RABGAP1L: variants seen among roughly 807,000 people sequenced by gnomAD.
RABGAP1L encodes RAB GTPase activating protein 1 like, also known as rab GTPase-activating protein 1-like.
A neutral mutation model predicts 137.7 loss-of-function variants in RABGAP1L; 63 were observed. The observed-to-expected ratio is 0.46, with a 90% CI of 0.37 to 0.56. The LOEUF is 0.56. Ranked by LOEUF, RABGAP1L falls within the 20% of genes least tolerant of loss-of-function variation. RABGAP1L has a pLI of 0.00. For missense variants in RABGAP1L, 1,095 were observed against 1,244.0 expected, an observed-to-expected ratio of 0.88 and a Z score of 1.80; for synonymous variants, 431 against 433.7, an observed-to-expected ratio of 0.99 and a Z score of 0.08.
At chr1:174,363,461 G>T (rs182943179) in intron 11 of RABGAP1L, among the ~76,000 whole-genome samples, 1 of 152,214 alleles carries the variant, frequency 6.6e-6, no homozygotes, top group East Asian at 1.9e-4. Flanking sequence ...ATTTCTTTGA[G>T]CAGTGGTTTG....
In RABGAP1L at chr1:174,483,343, A is replaced by T. The variant is rs540956155; in HGVS notation, c.1710+89198A>T. Reference sequence around the variant, plus strand: ...TTCTACTCTCTATCTCCCTGAGTCAATTGTTTTAATTTTTAGCTCCCACAG... The same window carrying T: ...TTCTACTCTCTATCTCCCTGAGTCATTTGTTTTAATTTTTAGCTCCCACAG... On this transcript the variant is annotated intron_variant, in intron 13 of 25. Transcript: ENST00000681986. Among the ~76,000 whole-genome samples the T allele has an allele frequency of 1.3e-5, 2 of 151,996 alleles. 1 individual carries two copies. The highest frequency in any genetic ancestry group is 4.8e-5 in the African/African-American group (2 of 41,372).
intron 11 of RABGAP1L, among the ~76,000 whole-genome samples, chr1:174,325,550 A>G (rs1462786412): frequency 6.6e-6 from 1 of 152,214 alleles, no homozygotes; most frequent in East Asian, 1.9e-4. Context: ...TCTGTGACTA[A>G]GATGCCTCTT....
intron 13 of RABGAP1L, among the ~76,000 whole-genome samples, chr1:174,435,803 C>T (rs1206716583): frequency 3.6e-5 from 5 of 137,116 alleles, no homozygotes; most frequent in Non-Finnish European, 7.6e-5. Context: ...TATCCCTCCC[C>T]TCTCCCCCGA....
chr1:174,590,112 C>G (rs537681602), intron 13 of RABGAP1L, among the ~76,000 whole-genome samples: 2 of 130,358 alleles, frequency 1.5e-5, no homozygotes, highest in South Asian at 2.5e-4. Context: ...TTTTTGTGAC[C>G]TCTTCAGTTT....
intron 13 of RABGAP1L, among the ~76,000 whole-genome samples, chr1:174,562,653 A>G (rs1667299272): frequency 6.6e-6 from 1 of 152,196 alleles, no homozygotes; most frequent in South Asian, 2.1e-4. Flanking sequence ...GCACGTATAC[A>G]CCACGGAATA....
chr1:174,662,291 A>T (rs1012556799), intron 14 of RABGAP1L, among the ~76,000 whole-genome samples: 1 of 151,902 alleles, frequency 6.6e-6, no homozygotes, highest in African/African-American at 2.4e-5. Context: ...TGTAGTAGAG[A>T]CGGGGTTTCA....
intron 4 of RABGAP1L, among the ~76,000 whole-genome samples, chr1:174,240,200 C>T (rs923828694): frequency 2.0e-5 from 3 of 151,302 alleles, no homozygotes; most frequent in South Asian, 2.1e-4. Context: ...ATGTGTAGAT[C>T]AGTCCAGGAC....
rs73026424 is a variant in RABGAP1L, at chr1:174,644,620, T to C, written c.1824+7132T>C. On this transcript the variant is annotated intron_variant, in intron 14 of 25. Transcript: ENST00000681986. ...GCTCTTTATGGTGCCTCCTGAATTA[T>C]GATTTTTTTTCATATTTGAGATCTA... Among the ~76,000 whole-genome samples, 799 of 152,190 alleles carry C rather than the reference T, an allele frequency of 5.3e-3. 10 individuals are homozygous for C. The highest frequency in any genetic ancestry group is 0.018 in the African/African-American group (755 of 41,538).
chr1:174,938,825 G>A (rs765869718), intron 19 of RABGAP1L, among the ~76,000 whole-genome samples: 2 of 152,156 alleles, frequency 1.3e-5, no homozygotes, highest in East Asian at 3.9e-4. Flanking sequence ...TGGGCTGGAC[G>A]CATAGAAGGG....
At chr1:174,973,033 T>C (rs1202132120) in intron 21 of RABGAP1L, among the ~76,000 whole-genome samples, 3 of 152,156 alleles carry the variant, frequency 2.0e-5, no homozygotes. Flanking sequence ...GTACAAAAAT[T>C]CAAAAGACCA....
rs544439873 is a variant in RABGAP1L, at chr1:174,196,062, C to A, written c.-33-23063C>A. On this transcript the variant is annotated intron_variant, in intron 1 of 25. Transcript: ENST00000681986. Reference sequence around the variant, plus strand: ...GTTTTAGCCAGGATGGTCTGGGTCTCCTGACCTCGTGATCCGCCCACCTTG... The same window carrying A: ...GTTTTAGCCAGGATGGTCTGGGTCTACTGACCTCGTGATCCGCCCACCTTG... 9.2e-5 allele frequency among the ~76,000 whole-genome samples: 14 copies of A among 151,574 alleles called. No homozygotes were observed. In the South Asian group the frequency reaches 2.9e-3, roughly 31 times the overall value.
chr1:174,280,573 A>G lies in RABGAP1L; in HGVS notation c.1323+1794A>G, dbSNP rs762597664. Among the ~76,000 whole-genome samples, 25 of 152,268 alleles carry G rather than the reference A, an allele frequency of 1.6e-4. 1 individual carries two copies. The highest frequency in any genetic ancestry group is 3.4e-3 in the Middle Eastern group (1 of 294). ...TCTTGGCAACTTTCTTCTCTCAAAT[A>G]TAGCAGAACTTTATGTGTGGGCAGT... is the stretch of plus-strand genomic sequence containing the variant. On this transcript the variant is annotated intron_variant, in intron 10 of 25. Coordinates refer to ENST00000681986, the MANE Select transcript of RABGAP1L (RefSeq NM_001366446.1).
intron 14 of RABGAP1L, among the ~76,000 whole-genome samples, chr1:174,640,425 C>A (rs1262820232): frequency 6.6e-6 from 1 of 151,826 alleles, no homozygotes; most frequent in East Asian, 1.9e-4. Context: ...ATTTTATGAC[C>A]CCCATCCCAT....
chr1:174,858,320 A>T (rs565943603), intron 19 of RABGAP1L, among the ~76,000 whole-genome samples: 1 of 152,308 alleles, frequency 6.6e-6, no homozygotes, highest in South Asian at 2.1e-4. Flanking sequence ...CTAGACCAGT[A>T]ATTTTAATAT....
chr1:174,438,327 C>G (rs1571810843), intron 13 of RABGAP1L, among the ~76,000 whole-genome samples: 1 of 152,064 alleles, frequency 6.6e-6, no homozygotes, highest in Non-Finnish European at 1.5e-5. Context: ...CTTGTCAGTT[C>G]TACAAAAAGC....
intron 13 of RABGAP1L, among the ~76,000 whole-genome samples, chr1:174,619,695 G>A (rs1213035203): frequency 6.6e-6 from 1 of 152,202 alleles, no homozygotes; most frequent in African/African-American, 2.4e-5. Flanking sequence ...ATGCCAAATT[G>A]TAAAGACCAT....
intron 11 of RABGAP1L, among the ~76,000 whole-genome samples, chr1:174,351,081 AGGG>A (rs1219059850): frequency 2.7e-3 from 5 of 1,836 alleles, no homozygotes. Context: ...GGGGAGGGGG[AGGG>A]GGAGGGGGAG....
intron 11 of RABGAP1L, among the ~76,000 whole-genome samples, chr1:174,346,655 C>G (rs555365599): frequency 6.6e-6 from 1 of 151,470 alleles, no homozygotes; most frequent in East Asian, 1.9e-4. Flanking sequence ...GTATAAAGTT[C>G]TATCAATTTT....
chr1:174,633,204 T>C (rs1357585240), intron 13 of RABGAP1L, among the ~76,000 whole-genome samples: 3 of 149,666 alleles, frequency 2.0e-5, no homozygotes, highest in South Asian at 2.2e-4. Context: ...ACAAAATCAA[T>C]GTACAAAAAT....
Sources: allele counts gnomAD v4.1 joint callset (sites outside exome capture counted in the v4.1 genomes callset), GRCh38; gene constraint gnomAD v4.1.1; transcripts MANE v1.5; gene names NCBI Gene and HGNC (gene_info 2026-07-23, HGNC 2026-07-21).